TMEM108: variants seen among roughly 807,000 people sequenced by gnomAD.
TMEM108 encodes the protein transmembrane protein 108.
Under a neutral mutation model 35.1 loss-of-function variants are expected in TMEM108, and 12 were observed. The observed-to-expected ratio is 0.34, with a 90% CI of 0.22 to 0.55. TMEM108 has a LOEUF of 0.55. Among genes scored for constraint, TMEM108 ranks in the 20% least tolerant of loss-of-function variants. The pLI, the probability that TMEM108 is intolerant of heterozygous loss-of-function variation, is 0.89. For synonymous variants in TMEM108, 287 were observed against 308.6 expected, an observed-to-expected ratio of 0.93 and a Z score of 0.73; for missense variants, 680 against 753.3, an observed-to-expected ratio of 0.90 and a Z score of 1.14.
At chr3:133,049,452 C>A (rs6787057) in intron 2 of TMEM108, among the ~76,000 whole-genome samples, 18,657 of 152,044 alleles carry the variant, frequency 0.12, 1,298 homozygotes, top group African/African-American at 0.19. Context: ...CCTGTGAAGA[C>A]CCCTGTTTGT....
At chr3:133,072,796 A>C (rs756234810) in intron 2 of TMEM108, among the ~76,000 whole-genome samples, 2 of 152,152 alleles carry the variant, frequency 1.3e-5, no homozygotes, top group Admixed American at 6.5e-5. Flanking sequence ...CCTCATACCC[A>C]TTAGCAGTCA....
At chr3:133,390,632 A>G (rs982995321) in intron 5 of TMEM108, among the ~76,000 whole-genome samples, 2 of 152,058 alleles carry the variant, frequency 1.3e-5, no homozygotes, top group Admixed American at 6.6e-5. Flanking sequence ...TGTGCCGAGC[A>G]CTCCCAGGGC....
At chr3:133,113,370 G>A (rs1425032005) in intron 2 of TMEM108, among the ~76,000 whole-genome samples, 1 of 152,080 alleles carries the variant, frequency 6.6e-6, no homozygotes, top group East Asian at 1.9e-4. Context: ...ACAAATTCAT[G>A]TTTTCAAAAT....
At chr3:133,207,324 C>T (rs1456402805) in intron 2 of TMEM108, among the ~76,000 whole-genome samples, 1 of 69,742 alleles carries the variant, frequency 1.4e-5, no homozygotes, top group Non-Finnish European at 2.7e-5. Flanking sequence ...CACTTTCTAA[C>T]CAGTCCCAGT....
At chr3:133,299,505 C>T (rs1223239308) in intron 3 of TMEM108, among the ~76,000 whole-genome samples, 1 of 152,122 alleles carries the variant, frequency 6.6e-6, no homozygotes, top group Non-Finnish European at 1.5e-5. Context: ...TTCCCTTCTG[C>T]AGTACGTTTA....
chr3:133,292,822 T>C (rs1464072833), intron 3 of TMEM108, among the ~76,000 whole-genome samples: 2 of 152,198 alleles, frequency 1.3e-5, no homozygotes, highest in Non-Finnish European at 2.9e-5. Context: ...GGGCTTGAGA[T>C]AGAGGATGCT....
chr3:133,069,911 T>G lies in TMEM108; in HGVS notation c.-47+23891T>G, dbSNP rs115740240. ...TTACATATTCTTTGAATGTGTTCAT[T>G]TAATATATCCTATTTTTATTCACTA... On this transcript the variant is annotated intron_variant, in intron 2 of 5. Transcript: ENST00000321871. 3.1e-3 allele frequency among the ~76,000 whole-genome samples: 471 copies of G among 152,320 alleles called. 3 individuals carry two copies. Among genetic ancestry groups the G allele is most frequent in the Non-Finnish European group, 4.5e-3 (303 of 68,042 alleles).
At chr3:133,127,318 A>G (rs1452508249) in intron 2 of TMEM108, among the ~76,000 whole-genome samples, 2 of 152,244 alleles carry the variant, frequency 1.3e-5, no homozygotes, top group Non-Finnish European at 2.9e-5. Context: ...TTAAGCACTC[A>G]GTAACCCCCT....
Position 133,263,742 on chromosome 3 carries a change from A to G in TMEM108, c.40+34391A>G, listed in dbSNP as rs557428674. Among the ~76,000 whole-genome samples, 4 of 152,338 alleles carry G rather than the reference A, an allele frequency of 2.6e-5. No homozygotes were observed. In the South Asian group the frequency reaches 8.3e-4, roughly 32 times the overall value. On this transcript the variant is annotated intron_variant, in intron 3 of 5. Transcript: ENST00000321871. ...TGCAGGCAGCATTTGGGCAGGGTGG[A>G]GAAGTCAGTCTGCCATGCTGTCTTT...
intron 3 of TMEM108, among the ~76,000 whole-genome samples, chr3:133,267,012 G>A (rs368994348): frequency 1.2e-4 from 18 of 150,932 alleles, no homozygotes; most frequent in East Asian, 5.8e-4. Context: ...CCCAGGAGGC[G>A]GAGTTTGCAG....
At position 133,129,357 on chromosome 3, in the gene TMEM108, C is replaced by A. The variant is rs530155556; in HGVS notation, c.-47+83337C>A. 4.5e-5 allele frequency among the ~76,000 whole-genome samples: 6 copies of A among 134,088 alleles called. No individual in the cohort carries two copies. The East Asian group carries it at 1.1e-3, about 24-fold the overall frequency. 88.0% of individuals were successfully genotyped at this position (134,088 alleles called of 152,430 possible). On this transcript the variant is annotated intron_variant, in intron 2 of 5. Coordinates refer to ENST00000321871, the MANE Select transcript of TMEM108 (RefSeq NM_023943.4). Reference sequence around the variant, plus strand: ...AAGACTCCGCACCCACACCCCCCCCCCCAAAAAAAAATAAACGAAACACTA... The same window carrying A: ...AAGACTCCGCACCCACACCCCCCCCACCAAAAAAAAATAAACGAAACACTA...
intron 2 of TMEM108, among the ~76,000 whole-genome samples, chr3:133,200,932 T>C (rs1945653769): frequency 6.6e-6 from 1 of 152,224 alleles, no homozygotes; most frequent in Non-Finnish European, 1.5e-5. Flanking sequence ...TATTGGACAG[T>C]AGAATTTATA....
chr3:133,207,974 G>C (rs887760252), intron 2 of TMEM108, among the ~76,000 whole-genome samples: 6 of 152,286 alleles, frequency 3.9e-5, no homozygotes, highest in African/African-American at 1.4e-4. Context: ...GGACCTTGGA[G>C]ATAGATCTTT....
At chr3:133,103,783 A>G (rs1944117190) in intron 2 of TMEM108, among the ~76,000 whole-genome samples, 1 of 152,150 alleles carries the variant, frequency 6.6e-6, no homozygotes, top group Non-Finnish European at 1.5e-5. Context: ...CCCCATGGTT[A>G]TGAGCATGAA....
chr3:133,066,599 T>C (rs1326525261), intron 2 of TMEM108, among the ~76,000 whole-genome samples: 1 of 152,202 alleles, frequency 6.6e-6, no homozygotes, highest in East Asian at 1.9e-4. Context: ...ATATCCTTAG[T>C]ATAGGAGCAA....
chr3:133,161,629 C>A (rs1372638977), intron 2 of TMEM108, among the ~76,000 whole-genome samples: 4 of 151,774 alleles, frequency 2.6e-5, no homozygotes, highest in Admixed American at 2.0e-4. Context: ...CTGATTCTTT[C>A]CAGTGATATG....
chr3:133,228,932 A>T (rs6776118), intron 2 of TMEM108, among the ~76,000 whole-genome samples: 33,464 of 152,090 alleles, frequency 0.22, 4,028 homozygotes, highest in Middle Eastern at 0.32. Flanking sequence ...AGCAGAAATG[A>T]GATGAGAAAA....
At chr3:133,267,925 C>T (rs1946721473) in intron 3 of TMEM108, among the ~76,000 whole-genome samples, 2 of 152,188 alleles carry the variant, frequency 1.3e-5, no homozygotes, top group African/African-American at 4.8e-5. Context: ...CACACAGAAT[C>T]CTAGAGGTTA....
At chr3:133,307,191 T>C (rs1229847598) in intron 3 of TMEM108, among the ~76,000 whole-genome samples, 4 of 152,222 alleles carry the variant, frequency 2.6e-5, no homozygotes, top group Non-Finnish European at 4.4e-5. Flanking sequence ...TATCTGTTCA[T>C]AACCTTTGCC....
Sources: allele counts gnomAD v4.1 joint callset (sites outside exome capture counted in the v4.1 genomes callset), GRCh38; gene constraint gnomAD v4.1.1; transcripts MANE v1.5; gene names NCBI Gene and HGNC (gene_info 2026-07-23, HGNC 2026-07-21).